The following BIRC6 variants were observed in gnomAD, a reference collection of about 807,000 sequenced individuals.
BIRC6 encodes baculoviral IAP repeat containing 6, also known as dual E2 ubiquitin-conjugating enzyme/E3 ubiquitin-protein ligase BIRC6.
In BIRC6, 98 loss-of-function variants were observed where a neutral mutation model predicts 503.3. That is an observed-to-expected ratio of 0.19 (90% CI 0.17 to 0.23). The LOEUF is 0.23. Ranked by LOEUF, BIRC6 falls within the 10% of genes least tolerant of loss-of-function variation. The probability of loss-of-function intolerance (pLI) is 1.00; values close to 1 mark genes in which losing one functional copy is unlikely to be tolerated. For synonymous variants in BIRC6, 2,240 were observed against 2,078.7 expected, an observed-to-expected ratio of 1.08 and a Z score of -2.11; for missense variants, 5,360 against 5,806.0, an observed-to-expected ratio of 0.92 and a Z score of 2.50.
intron 66 of BIRC6, among the ~76,000 whole-genome samples, chr2:32,579,574 A>T (rs531004786): frequency 6.6e-6 from 1 of 152,254 alleles, no homozygotes; most frequent in South Asian, 2.1e-4. Context: ...CTGTAGTCCT[A>T]GCTGCTCAGG....
At chr2:32,569,095 T>G (rs1314211597) in intron 65 of BIRC6, among the ~76,000 whole-genome samples, 2 of 151,492 alleles carry the variant, frequency 1.3e-5, no homozygotes, top group Non-Finnish European at 2.9e-5. Flanking sequence ...GTTCAAGTGA[T>G]TCTTGTGTCT....
intron 2 of BIRC6, among the ~76,000 whole-genome samples, chr2:32,378,664 C>T (rs1223799468): frequency 1.3e-5 from 2 of 152,034 alleles, no homozygotes. Context: ...ACCATGTTGG[C>T]CAGACTGGTC....
chr2:32,397,673 T>TAC (rs1182103617), intron 6 of BIRC6, among the ~76,000 whole-genome samples: 20 of 132,976 alleles, frequency 1.5e-4, no homozygotes, highest in African/African-American at 3.6e-4. Flanking sequence ...TATATATATA[T>TAC]ACACACACAC....
intron 4 of BIRC6, among the ~76,000 whole-genome samples, chr2:32,389,429 C>A (rs903650219): frequency 1.3e-5 from 2 of 149,290 alleles, no homozygotes; most frequent in Non-Finnish European, 3.0e-5. Flanking sequence ...TTTGAGTTAA[C>A]AATTTTTTAT....
At chr2:32,378,013 C>T (rs376651526) in intron 2 of BIRC6, among the ~76,000 whole-genome samples, 2 of 151,962 alleles carry the variant, frequency 1.3e-5, no homozygotes, top group African/African-American at 2.4e-5. Flanking sequence ...CAGCTGTAAC[C>T]GAGACCCAAA....
intron 73 of BIRC6, among the ~76,000 whole-genome samples, chr2:32,615,273 A>C (rs781640422): frequency 6.6e-6 from 1 of 152,104 alleles, no homozygotes; most frequent in African/African-American, 2.4e-5. Flanking sequence ...TCAATCCCCA[A>C]CCTTAACTCA....
intron 23 of BIRC6, among the ~76,000 whole-genome samples, chr2:32,460,906 T>C (rs922222567): frequency 6.6e-6 from 1 of 151,954 alleles, no homozygotes; most frequent in Non-Finnish European, 1.5e-5. Context: ...GATTAATAGC[T>C]GTCGATTTGC....
At chr2:32,421,407 T>C (rs75363598) in intron 10 of BIRC6, among the ~76,000 whole-genome samples, 74 of 152,174 alleles carry the variant, frequency 4.9e-4, no homozygotes, top group Non-Finnish European at 7.6e-4. Flanking sequence ...GCTGGCCTTC[T>C]TTAGTTTCTT....
intron 61 of BIRC6, among the ~76,000 whole-genome samples, chr2:32,538,171 C>T (rs2057385831): frequency 6.6e-6 from 1 of 152,000 alleles, no homozygotes; most frequent in Non-Finnish European, 1.5e-5. Context: ...GTCATATTGG[C>T]TGGAGTTTGA....
chr2:32,547,804 A>T (rs1469374456), intron 63 of BIRC6, 46 bp from the exon 64 acceptor site: 2 of 1,427,500 alleles, frequency 1.4e-6, no homozygotes, highest in Non-Finnish European at 1.9e-6. Context: ...TTTTGAAGAT[A>T]AGCAAAAACA....
At position 32,443,487 on chromosome 2, in the gene BIRC6, T is replaced by A. The variant is rs756199652; in HGVS notation, c.4239-4T>A. 1.9e-6 allele frequency: 3 copies of A among 1,589,388 alleles called. No homozygotes were observed. In the African/African-American group the frequency reaches 4.0e-5, roughly 21 times the overall value. Reference sequence around the variant, plus strand: ...TACAATTTTTCTTTTTAAAAATTTTTCAGTAATGGCAAATGTGACCCATGT... The same window carrying A: ...TACAATTTTTCTTTTTAAAAATTTTACAGTAATGGCAAATGTGACCCATGT... On this transcript the variant is annotated splice_polypyrimidine_tract_variant and splice_region_variant and intron_variant, in intron 19 of 73. Coordinates refer to ENST00000421745, the MANE Select transcript of BIRC6 (RefSeq NM_016252.4).
At chr2:32,490,275 TGG>T in intron 43 of BIRC6, 124 bp downstream of exon 43, 1 of 833,222 alleles carries the variant, frequency 1.2e-6, no homozygotes, top group Non-Finnish European at 1.9e-6. Context: ...TGGCCAGATG[TGG>T]TGGCTCACGC....
chr2:32,525,933 T>G (rs187676883), intron 59 of BIRC6, among the ~76,000 whole-genome samples: 83 of 152,300 alleles, frequency 5.4e-4, no homozygotes, highest in Non-Finnish European at 2.2e-4. Flanking sequence ...ACAAGTTATT[T>G]AGGAAACACC....
At chr2:32,561,679 G>T (rs114636332) in intron 65 of BIRC6, among the ~76,000 whole-genome samples, 1 of 146,604 alleles carries the variant, frequency 6.8e-6, no homozygotes. Context: ...AAAGTTTCTG[G>T]GATTATCTTT....
chr2:32,573,245 C>T (rs2060038760), intron 65 of BIRC6, among the ~76,000 whole-genome samples: 1 of 152,120 alleles, frequency 6.6e-6, no homozygotes, highest in Non-Finnish European at 1.5e-5. Context: ...GTCACCCAGG[C>T]CGGAGTGCAG....
chr2:32,482,699 C>A, intron 39 of BIRC6, 117 bp downstream of exon 39: 1 of 1,081,050 alleles, frequency 9.3e-7, no homozygotes, highest in Non-Finnish European at 1.3e-6. Flanking sequence ...TTTAGTATCA[C>A]AGCTGTGCCG....
At chr2:32,558,509 T>A (rs529880953) in intron 65 of BIRC6, 84 of 152,294 alleles carry the variant, frequency 5.5e-4, no homozygotes, top group Non-Finnish European at 9.6e-4. Flanking sequence ...TTTACTAATA[T>A]TTTGAAAAAG....
chr2:32,439,492 T>A lies in BIRC6; in HGVS notation c.3632-16T>A. 1 of 1,607,606 alleles carries A rather than the reference T, an allele frequency of 6.2e-7. No individual in the cohort carries two copies. Among genetic ancestry groups the A allele is most frequent in the South Asian group, 1.1e-5 (1 of 90,290 alleles). On this transcript the variant is annotated splice_polypyrimidine_tract_variant and intron_variant, in intron 15 of 73. Coordinates refer to ENST00000421745, the MANE Select transcript of BIRC6 (RefSeq NM_016252.4). ...GGTGATTCAGTTATTTTCCCCATTC[T>A]ACTCCACTTCTCTAGGTATGGCAGG...
At chr2:32,360,462 A>T (rs975522374) in intron 1 of BIRC6, among the ~76,000 whole-genome samples, 1 of 152,202 alleles carries the variant, frequency 6.6e-6, no homozygotes, top group Non-Finnish European at 1.5e-5. Context: ...GAGCTGCGTG[A>T]TCTGGCTTTT....
Sources: allele counts gnomAD v4.1 joint callset (sites outside exome capture counted in the v4.1 genomes callset), GRCh38; gene constraint gnomAD v4.1.1; transcripts MANE v1.5; gene names NCBI Gene and HGNC (gene_info 2026-07-23, HGNC 2026-07-21).